The following ACACB variants were observed in gnomAD, a reference collection of about 807,000 sequenced individuals.
ACACB encodes the protein acetyl-CoA carboxylase 2.
ACACB carries 209 observed loss-of-function variants against 278.8 expected under a neutral mutation model. The ratio of observed to expected loss-of-function variants is 0.75; its 90% confidence interval spans 0.67 to 0.84. The LOEUF (loss-of-function observed/expected upper bound fraction) is 0.84, where lower values mean the gene tolerates loss of function less well. Ranked by LOEUF, ACACB falls within the 40% of genes least tolerant of loss-of-function variation. The pLI, the probability that ACACB is intolerant of heterozygous loss-of-function variation, is 0.00. For missense variants in ACACB, 2,850 were observed against 3,269.0 expected (o/e 0.87, Z 3.13); for synonymous variants, 1,174 against 1,285.6 (o/e 0.91, Z 1.86).
chr12:109,204,039 T>C (rs2045418186), intron 19 of ACACB, among the ~76,000 whole-genome samples: 1 of 152,140 alleles, frequency 6.6e-6, no homozygotes, highest in African/African-American at 2.4e-5. Flanking sequence ...AAAAAAATTA[T>C]AATTATTATG....
At chr12:109,164,288 A>G (rs1289561472) in intron 2 of ACACB, among the ~76,000 whole-genome samples, 5 of 152,316 alleles carry the variant, frequency 3.3e-5, no homozygotes, top group Admixed American at 3.3e-4. Context: ...GCTGGAGTCC[A>G]GTGGCGCGAT....
At position 109,140,251 on chromosome 12, in the gene ACACB, CTTCCATCCTTCCTTCCTTCT is replaced by C. The variant is rs1565857326; in HGVS notation, c.653+198_653+217del. ...CCTTCCTTCCTTCCTTCCTTCCTTC[CTTCCATCCTTCCTTCCTTCT>C]TTCCTTCCTTCCTTCCTTCCTTCCT... is the stretch of plus-strand genomic sequence containing the variant. On this transcript the variant is annotated intron_variant, in intron 2 of 52. Transcript: ENST00000338432. Among the ~76,000 whole-genome samples the C allele has an allele frequency of 8.3e-4, 106 of 127,202 alleles. 2 individuals are homozygous for C. Among genetic ancestry groups the C allele is most frequent in the Middle Eastern group, 4.5e-3 (1 of 224 alleles). 83.4% of individuals were successfully genotyped at this position (127,202 alleles called of 152,430 possible).
chr12:109,194,512 ATGTG>A (rs370227666), intron 16 of ACACB, among the ~76,000 whole-genome samples: 1,108 of 88,760 alleles, frequency 0.012, 23 homozygotes, highest in African/African-American at 0.041. Context: ...CTGTGTGTGC[ATGTG>A]TGTGTGTGTG....
At chr12:109,206,129 A>AAACAAC (rs778211250) in intron 19 of ACACB, among the ~76,000 whole-genome samples, 1 of 152,072 alleles carries the variant, frequency 6.6e-6, no homozygotes, top group South Asian at 2.1e-4. Flanking sequence ...TTATAAAGCA[A>AAACAAC]AACAACAACA....
At chr12:109,227,076 G>T (rs1188012357) in intron 27 of ACACB, among the ~76,000 whole-genome samples, 1 of 151,742 alleles carries the variant, frequency 6.6e-6, no homozygotes, top group African/African-American at 2.4e-5. Flanking sequence ...TCAGCCTCCC[G>T]AGTAGCTGGG....
At chr12:109,191,356 G>A in intron 13 of ACACB, 1 of 352,718 alleles carries the variant, frequency 2.8e-6, no homozygotes, top group Non-Finnish European at 5.4e-6. Context: ...TGAGATTACA[G>A]GCGTCCTCCA....
At chr12:109,245,393 G>A (rs934982858) in intron 37 of ACACB, among the ~76,000 whole-genome samples, 1 of 152,094 alleles carries the variant, frequency 6.6e-6, no homozygotes, top group Non-Finnish European at 1.5e-5. Context: ...GGCTTCAATC[G>A]CATCTTTCTT....
intron 1 of ACACB, among the ~76,000 whole-genome samples, chr12:109,120,392 T>C (rs246085): frequency 0.12 from 18,387 of 152,118 alleles, 1,792 homozygotes; most frequent in African/African-American, 0.27. Flanking sequence ...TCTTTCAGGA[T>C]TGGTATTCAT....
chr12:109,179,207 C>T lies in ACACB; in HGVS notation c.1557C>T (p.Arg519=), dbSNP rs761806267. ...GGAATGCTGTGTCTCTGTTTGGTCGCGACTGCTCCATCCAGCGGCGGCATC... is the reference window on the plus strand; with the variant it reads ...GGAATGCTGTGTCTCTGTTTGGTCGTGACTGCTCCATCCAGCGGCGGCATC... ...QYGNAVSLFG[R]DCSIQRRHQK... Residue 519 remains arginine, a synonymous_variant, in exon 10 of 53, where the codon CGC becomes CGT. Transcript: ENST00000338432. 5.6e-6 allele frequency: 9 copies of T among 1,614,132 alleles called. No homozygotes were observed. In the East Asian group the frequency reaches 6.7e-5, roughly 12 times the overall value.
At chr12:109,243,857 A>C (rs1335430458) in intron 37 of ACACB, among the ~76,000 whole-genome samples, 1 of 150,352 alleles carries the variant, frequency 6.7e-6, no homozygotes, top group Non-Finnish European at 1.5e-5. Context: ...TTCATTTTCC[A>C]GGATTGCTTT....
At chr12:109,265,085 G>A in intron 50 of ACACB, 25 bp from the exon 51 acceptor site, 1 of 1,586,908 alleles carries the variant, frequency 6.3e-7, no homozygotes, top group Non-Finnish European at 8.6e-7. Context: ...CCCTTTCCGG[G>A]GATTCAAGCC....
Position 109,235,649 on chromosome 12 carries a change from T to C in ACACB, c.4446+2T>C. 1.2e-6 allele frequency: 2 copies of C among 1,610,574 alleles called. No individual in the cohort carries two copies. The highest frequency in any genetic ancestry group is 1.7e-6 in the Non-Finnish European group (2 of 1,177,136). On this transcript the variant is annotated splice_donor_variant, in intron 33 of 52. Coordinates refer to ENST00000338432, the MANE Select transcript of ACACB (RefSeq NM_001093.4). LOFTEE classifies it high-confidence loss of function. ...TTCACATTCAGAGCAAGAGATGAGG[T>C]ATGGCCAAAAGTAATGATGTTTTCT...
intron 2 of ACACB, among the ~76,000 whole-genome samples, chr12:109,145,439 AT>A (rs1445607007): frequency 1.3e-5 from 2 of 152,130 alleles, no homozygotes; most frequent in Non-Finnish European, 2.9e-5. Context: ...GTAATTTGTC[AT>A]TCCTTACCCC....
intron 37 of ACACB, among the ~76,000 whole-genome samples, chr12:109,243,556 C>G (rs1489863239): frequency 6.6e-6 from 1 of 151,976 alleles, no homozygotes; most frequent in Non-Finnish European, 1.5e-5. Flanking sequence ...CTGAGATGGC[C>G]CCACTGCACT....
At chr12:109,118,239 C>G (rs1377023778) in intron 1 of ACACB, among the ~76,000 whole-genome samples, 2 of 152,110 alleles carry the variant, frequency 1.3e-5, no homozygotes, top group African/African-American at 4.8e-5. Flanking sequence ...TTATTTGCTC[C>G]TGCTCAGGTG....
At chr12:109,222,423 C>G in intron 24 of ACACB, 84 bp from the exon 25 acceptor site, 1 of 1,277,674 alleles carries the variant, frequency 7.8e-7, no homozygotes, top group South Asian at 1.2e-5. Context: ...GCTTTTGCGG[C>G]AGGTGCTCCC....
intron 41 of ACACB, among the ~76,000 whole-genome samples, chr12:109,251,101 G>A (rs1423064712): frequency 6.6e-6 from 1 of 152,126 alleles, no homozygotes; most frequent in Non-Finnish European, 1.5e-5. Flanking sequence ...GAAGGGCACG[G>A]TACCAGATAA....
intron 1 of ACACB, among the ~76,000 whole-genome samples, chr12:109,127,597 TA>T (rs59070753): frequency 3.4e-3 from 471 of 138,814 alleles, no homozygotes; most frequent in Non-Finnish European, 3.3e-3. Context: ...AGAATTCGCC[TA>T]AAAAAAAAAA....
intron 4 of ACACB, 35 bp from the exon 5 acceptor site, chr12:109,171,770 G>A (rs1211002717): frequency 1.3e-6 from 2 of 1,512,512 alleles, no homozygotes; most frequent in Non-Finnish European, 1.8e-6. Flanking sequence ...CAGTCTGTCA[G>A]CAGTTCCTTC....
Sources: gnomAD v4.1 joint callset for allele counts (sites outside exome capture counted in the v4.1 genomes callset) on GRCh38, gnomAD v4.1.1 for gene constraint, MANE v1.5 for transcripts, NCBI Gene and HGNC (gene_info 2026-07-23, HGNC 2026-07-21) for gene names.